FMN1: variants seen among roughly 807,000 people sequenced by gnomAD.
FMN1 encodes the protein formin 1.
A neutral mutation model predicts 132.4 loss-of-function variants in FMN1; 110 were observed. The observed-to-expected ratio is 0.83, with a 90% CI of 0.71 to 0.97. FMN1 has a LOEUF of 0.97. Among genes scored for constraint, FMN1 ranks in the 50% least tolerant of loss-of-function variants. The probability of loss-of-function intolerance (pLI) is 0.00; values close to 1 mark genes in which losing one functional copy is unlikely to be tolerated. For missense variants in FMN1, 1,792 were observed against 1,705.3 expected, an observed-to-expected ratio of 1.05 and a Z score of -0.90; for synonymous variants, 722 against 651.7, an observed-to-expected ratio of 1.11 and a Z score of -1.64.
In FMN1 at chr15:32,902,054, A is replaced by C; in HGVS notation, c.3378-14T>G. ...TCATGTAAAAATCTGTAAAAAAGAAAATGTGTCATCTACCTTCACATATAA... is the reference window on the plus strand; with the variant it reads ...TCATGTAAAAATCTGTAAAAAAGAACATGTGTCATCTACCTTCACATATAA... On this transcript the variant is annotated splice_polypyrimidine_tract_variant and intron_variant, in intron 12 of 20. Coordinates refer to ENST00000616417, the MANE Select transcript of FMN1 (RefSeq NM_001277313.2). 2 of 1,602,462 alleles carry C rather than the reference A, an allele frequency of 1.2e-6. No homozygotes were observed. The highest frequency in any genetic ancestry group is 1.7e-6 in the Non-Finnish European group (2 of 1,175,820).
intron 4 of FMN1, among the ~76,000 whole-genome samples, chr15:33,107,623 G>A (rs942056224): frequency 1.3e-5 from 2 of 152,066 alleles, no homozygotes; most frequent in Non-Finnish European, 2.9e-5. Flanking sequence ...GCTGTTAAAT[G>A]GCTGATTTCT....
intron 15 of FMN1, among the ~76,000 whole-genome samples, chr15:32,897,272 T>C (rs1256985271): frequency 6.6e-6 from 1 of 152,210 alleles, no homozygotes; most frequent in African/African-American, 2.4e-5. Context: ...ATTGGGTTTT[T>C]CTTTTCTTCA....
chr15:33,030,073 G>C (rs1228521716), intron 6 of FMN1, among the ~76,000 whole-genome samples: 1 of 152,200 alleles, frequency 6.6e-6, no homozygotes, highest in African/African-American at 2.4e-5. Flanking sequence ...CAGGAGAATG[G>C]CGTGAACCCG....
chr15:33,183,127 C>A (rs957533015), intron 2 of FMN1, among the ~76,000 whole-genome samples: 1 of 152,164 alleles, frequency 6.6e-6, no homozygotes, highest in Non-Finnish European at 1.5e-5. Context: ...TTACTTCCAC[C>A]ATAAATGACC....
intron 7 of FMN1, among the ~76,000 whole-genome samples, chr15:32,995,351 A>G (rs2033701480): frequency 6.6e-6 from 1 of 152,206 alleles, no homozygotes. Context: ...TAAAAAGTTG[A>G]TAATTTTAAA....
chr15:32,948,220 T>A (rs1037234864), intron 9 of FMN1, among the ~76,000 whole-genome samples: 1 of 152,008 alleles, frequency 6.6e-6, no homozygotes, highest in Non-Finnish European at 1.5e-5. Context: ...AACATTTTAA[T>A]TATTTATAAA....
At chr15:32,807,858 A>C (rs1015090126) in intron 17 of FMN1, among the ~76,000 whole-genome samples, 11 of 152,242 alleles carry the variant, frequency 7.2e-5, no homozygotes, top group Non-Finnish European at 1.3e-4. Context: ...TTGCCCTTGT[A>C]CAGATACAAA....
chr15:32,952,431 A>G (rs2061674256), intron 9 of FMN1, among the ~76,000 whole-genome samples: 1 of 152,196 alleles, frequency 6.6e-6, no homozygotes, highest in Non-Finnish European at 1.5e-5. Context: ...TTGTTAATTA[A>G]TGTGTCTTAT....
At chr15:33,018,568 G>C (rs531177337) in intron 6 of FMN1, among the ~76,000 whole-genome samples, 1 of 152,308 alleles carries the variant, frequency 6.6e-6, no homozygotes, top group Middle Eastern at 3.4e-3. Flanking sequence ...CGCCCAAGAA[G>C]AAATGTAAGC....
At chr15:32,890,864 TA>T (rs1187763329) in intron 15 of FMN1, among the ~76,000 whole-genome samples, 1 of 152,242 alleles carries the variant, frequency 6.6e-6, no homozygotes, top group Non-Finnish European at 1.5e-5. Context: ...AGAATTTTTA[TA>T]GTTTGAAGTC....
intron 19 of FMN1, among the ~76,000 whole-genome samples, chr15:32,783,811 TAG>T (rs1454112422): frequency 6.7e-6 from 1 of 149,072 alleles, no homozygotes; most frequent in Non-Finnish European, 1.5e-5. Context: ...GCTTTCCATT[TAG>T]AGATTTAGGC....
chr15:32,902,564 C>T (rs1474735263), intron 12 of FMN1, among the ~76,000 whole-genome samples: 1 of 152,232 alleles, frequency 6.6e-6, no homozygotes, highest in Non-Finnish European at 1.5e-5. Context: ...ATAATGATCA[C>T]ATTCTCCAGA....
rs183930429 is a variant in FMN1, at chr15:32,969,055, G to A, written c.2646C>T (p.Pro882=). The part of the protein sequence containing the change: ...PASIPPPPPL[P]SGLGSLSPAP... ...CGGGAGACAAAGATCCAAGTCCTGA[G>A]GGGAGGGGCGGAGGGGGAGGGATGG... Residue 882 remains proline (P), a synonymous_variant, in exon 8 of 21, where the codon CCC becomes CCT. Transcript: ENST00000616417. 6.5e-7 allele frequency: 1 copy of A among 1,540,882 alleles called. No individual in the cohort carries two copies. The highest frequency in any genetic ancestry group is 1.4e-5 in the African/African-American group (1 of 73,708).
chr15:33,041,845 T>C (rs2036454222), intron 6 of FMN1, among the ~76,000 whole-genome samples: 1 of 152,136 alleles, frequency 6.6e-6, no homozygotes, highest in Non-Finnish European at 1.5e-5. Context: ...GGAGAACCAT[T>C]GTACAACAAT....
intron 6 of FMN1, among the ~76,000 whole-genome samples, chr15:33,046,205 A>C (rs1264325346): frequency 1.3e-5 from 2 of 152,202 alleles, no homozygotes; most frequent in African/African-American, 4.8e-5. Context: ...GGGATCCTTA[A>C]TATCTGGAAA....
intron 7 of FMN1, among the ~76,000 whole-genome samples, chr15:32,994,186 C>T (rs2033621035): frequency 6.7e-6 from 1 of 149,498 alleles, no homozygotes; most frequent in East Asian, 2.1e-4. Context: ...ATGTTACATG[C>T]AATAAATTGT....
intron 7 of FMN1, among the ~76,000 whole-genome samples, chr15:32,990,957 C>T (rs984828959): frequency 4.6e-5 from 7 of 152,118 alleles, no homozygotes; most frequent in African/African-American, 7.2e-5. Context: ...TCCCATGACA[C>T]GTACGGATTA....
chr15:33,031,499 G>GT (rs1357995397), intron 6 of FMN1, among the ~76,000 whole-genome samples: 2 of 152,100 alleles, frequency 1.3e-5, no homozygotes, highest in Admixed American at 6.5e-5. Context: ...CCACCCACAG[G>GT]TTTTTTTCCA....
At chr15:32,881,442 A>T (rs2059767981) in intron 16 of FMN1, among the ~76,000 whole-genome samples, 1 of 152,148 alleles carries the variant, frequency 6.6e-6, no homozygotes, top group Non-Finnish European at 1.5e-5. Context: ...GATGCTTTTA[A>T]AGAATTCTAC....
Sources: gnomAD v4.1 joint callset for allele counts (sites outside exome capture counted in the v4.1 genomes callset) on GRCh38, gnomAD v4.1.1 for gene constraint, MANE v1.5 for transcripts, NCBI Gene and HGNC (gene_info 2026-07-23, HGNC 2026-07-21) for gene names.